NOL10: variants seen among roughly 807,000 people sequenced by gnomAD.
NOL10 encodes H_NH0074G24.1.
Under a neutral mutation model 103.5 loss-of-function variants are expected in NOL10, and 58 were observed. The ratio of observed to expected loss-of-function variants is 0.56; its 90% confidence interval spans 0.45 to 0.70. The LOEUF (loss-of-function observed/expected upper bound fraction) is 0.70, where lower values mean the gene tolerates loss of function less well. Ranked by LOEUF, NOL10 falls within the 30% of genes least tolerant of loss-of-function variation. The probability of loss-of-function intolerance (pLI) is 0.00; values close to 1 mark genes in which losing one functional copy is unlikely to be tolerated. For missense variants in NOL10, 763 were observed against 807.3 expected (o/e 0.95, Z 0.67); for synonymous variants, 287 against 282.5 (o/e 1.02, Z -0.16).
chr2:10,663,429 A>G (rs1162664727), intron 8 of NOL10, among the ~76,000 whole-genome samples: 1 of 151,914 alleles, frequency 6.6e-6, no homozygotes, highest in Non-Finnish European at 1.5e-5. Flanking sequence ...CCACATTAAC[A>G]TTGTTTATTT....
intron 9 of NOL10, among the ~76,000 whole-genome samples, chr2:10,662,014 A>G (rs957529527): frequency 1.3e-5 from 2 of 152,098 alleles, no homozygotes; most frequent in African/African-American, 4.8e-5. Context: ...GTAACACTCT[A>G]TAGTCAACAG....
At chr2:10,606,839 T>C (rs1367367270) in intron 14 of NOL10, among the ~76,000 whole-genome samples, 2 of 152,148 alleles carry the variant, frequency 1.3e-5, no homozygotes, top group African/African-American at 2.4e-5. Flanking sequence ...TGAGACATTT[T>C]CAAAACCTTA....
At chr2:10,580,426 A>T (rs2148145862) in intron 19 of NOL10, among the ~76,000 whole-genome samples, 1 of 146,004 alleles carries the variant, frequency 6.8e-6, no homozygotes, top group South Asian at 2.1e-4. Context: ...TAGGTCTGAC[A>T]GCCATGGGGG....
chr2:10,610,231 A>G (rs550891489), intron 13 of NOL10, among the ~76,000 whole-genome samples: 12 of 152,218 alleles, frequency 7.9e-5, no homozygotes, highest in Non-Finnish European at 1.8e-4. Context: ...AAAGACAATA[A>G]AAAGATTATA....
At chr2:10,580,852 C>T (rs1404437735) in intron 19 of NOL10, among the ~76,000 whole-genome samples, 1 of 152,016 alleles carries the variant, frequency 6.6e-6, no homozygotes, top group Non-Finnish European at 1.5e-5. Flanking sequence ...AAGGCATGTG[C>T]TTCAGGACAA....
In NOL10 at chr2:10,689,919, CGTAATCCCGGG is replaced by C; in HGVS notation, c.-69_-59del. The C allele has an allele frequency of 1.9e-5, 29 of 1,521,808 alleles. No homozygotes were observed. Among genetic ancestry groups the C allele is most frequent in the Non-Finnish European group, 2.5e-5 (28 of 1,117,510 alleles). The allele number at this position is 1,521,808 out of a possible 1,614,324, so 94.3% of individuals were successfully genotyped here. ...CTTTCCCACCAGCGTGCTCGAGCACCGTAATCCCGGGACCTCCGAGCCCCTGCTCCGCGGCG... is the reference window on the plus strand; with the variant it reads ...CTTTCCCACCAGCGTGCTCGAGCACCACCTCCGAGCCCCTGCTCCGCGGCG... On this transcript the variant is annotated 5_prime_UTR_variant, in exon 1 of 21. Coordinates refer to ENST00000381685, the MANE Select transcript of NOL10 (RefSeq NM_024894.4).
At chr2:10,572,966 G>A (rs1353168348) in intron 20 of NOL10, among the ~76,000 whole-genome samples, 1 of 151,958 alleles carries the variant, frequency 6.6e-6, no homozygotes, top group African/African-American at 2.4e-5. Context: ...ATTCTTAGAA[G>A]AGCATCAGTG....
At chr2:10,659,369 T>C in intron 9 of NOL10, 119 bp from the exon 10 acceptor site, 1 of 586,504 alleles carries the variant, frequency 1.7e-6, no homozygotes, top group Non-Finnish European at 3.1e-6. Context: ...ATCACATTTC[T>C]AGGCTTCTGT....
intron 17 of NOL10, among the ~76,000 whole-genome samples, chr2:10,599,026 T>C (rs371265744): frequency 5.3e-4 from 80 of 152,240 alleles, no homozygotes; most frequent in African/African-American, 1.9e-3. Context: ...TCCTGCACTA[T>C]GGGGTATTCT....
intron 13 of NOL10, chr2:10,634,468 T>C: frequency 2.2e-6 from 1 of 456,306 alleles, no homozygotes; most frequent in Non-Finnish European, 4.4e-6. Flanking sequence ...AGTTCTGATG[T>C]AGACACATTA....
chr2:10,631,822 C>T (rs1318117113), intron 13 of NOL10, among the ~76,000 whole-genome samples: 1 of 151,804 alleles, frequency 6.6e-6, no homozygotes, highest in Non-Finnish European at 1.5e-5. Flanking sequence ...TCAAGCGATT[C>T]TCTTGCCTCA....
At chr2:10,679,721 G>T (rs1454066887) in intron 3 of NOL10, among the ~76,000 whole-genome samples, 1 of 152,106 alleles carries the variant, frequency 6.6e-6, no homozygotes, top group African/African-American at 2.4e-5. Context: ...CGCCACATGG[G>T]TTCAAGCGAT....
At chr2:10,597,617 G>C (rs1041664004) in intron 17 of NOL10, among the ~76,000 whole-genome samples, 3 of 152,172 alleles carry the variant, frequency 2.0e-5, no homozygotes, top group Non-Finnish European at 4.4e-5. Flanking sequence ...CACAGCCTCA[G>C]ATTTTCAAAA....
intron 19 of NOL10, among the ~76,000 whole-genome samples, 154 bp downstream of exon 19, chr2:10,588,889 T>C (rs964056395): frequency 2.6e-5 from 4 of 152,298 alleles, no homozygotes; most frequent in Middle Eastern, 3.4e-3. Flanking sequence ...CATCACCTCC[T>C]GCACGGCCTT....
rs1311694255 is a variant in NOL10, at chr2:10,582,674, G to A, written c.1845-4936C>T. 3.3e-5 allele frequency among the ~76,000 whole-genome samples: 5 copies of A among 152,102 alleles called. No individual in the cohort carries two copies. In the East Asian group the frequency reaches 9.6e-4, roughly 29 times the overall value. On this transcript the variant is annotated intron_variant, in intron 19 of 20. Transcript: ENST00000381685. ...GACTTCTTTCCTCCATGTCTCTGAGGATGCATACCTTGTCTTTTCTGAGGC... is the reference window on the plus strand; with the variant it reads ...GACTTCTTTCCTCCATGTCTCTGAGAATGCATACCTTGTCTTTTCTGAGGC...
intron 20 of NOL10, among the ~76,000 whole-genome samples, chr2:10,573,568 T>C (rs1558261125): frequency 6.6e-6 from 1 of 151,886 alleles, no homozygotes; most frequent in Non-Finnish European, 1.5e-5. Context: ...GTCCAGTGGA[T>C]TCACCTCTTG....
intron 13 of NOL10, among the ~76,000 whole-genome samples, chr2:10,611,002 C>A (rs186010352): frequency 2.8e-3 from 430 of 152,140 alleles, no homozygotes; most frequent in African/African-American, 0.01. Flanking sequence ...TTTTTAGAGA[C>A]AGGTTCTTGC....
rs144907351 is a variant in NOL10 at position 10,605,360 on chromosome 2, C to G, written c.1153+1825G>C. Among the ~76,000 whole-genome samples the G allele has an allele frequency of 5.6e-4, 85 of 152,264 alleles. 2 individuals are homozygous for G. The East Asian group carries it at 0.015, about 27-fold the overall frequency. ...ATACTAATGCTGCACTAAAAATAAT[C>G]TTAGGAAGTAAGGGAAGTTCATTAC... On this transcript the variant is annotated intron_variant, in intron 14 of 20. Coordinates refer to ENST00000381685, the MANE Select transcript of NOL10 (RefSeq NM_024894.4).
In NOL10 at chr2:10,661,224, C is replaced by T. The variant is rs976515881; in HGVS notation, c.677+1735G>A. 1.8e-4 allele frequency among the ~76,000 whole-genome samples: 28 copies of T among 151,832 alleles called. 1 individual carries two copies. The highest frequency in any genetic ancestry group is 5.3e-4 in the African/African-American group (22 of 41,298). ...CCAAGTACTTGGGATTACAGGCATGCGCCACCACGCCCAGCTAATTTTGTA... is the reference window on the plus strand; with the variant it reads ...CCAAGTACTTGGGATTACAGGCATGTGCCACCACGCCCAGCTAATTTTGTA... On this transcript the variant is annotated intron_variant, in intron 9 of 20. Coordinates refer to ENST00000381685, the MANE Select transcript of NOL10 (RefSeq NM_024894.4).
Sources: gnomAD v4.1 joint callset for allele counts (sites outside exome capture counted in the v4.1 genomes callset) on GRCh38, gnomAD v4.1.1 for gene constraint, MANE v1.5 for transcripts, NCBI Gene and HGNC (gene_info 2026-07-23, HGNC 2026-07-21) for gene names.